Variants in THOC1 observed in about 807,000 individuals in gnomAD.
THOC1 encodes the protein THO complex subunit 1.
Under a neutral mutation model 97.3 loss-of-function variants are expected in THOC1, and 29 were observed. The observed-to-expected ratio is 0.30, with a 90% CI of 0.22 to 0.41. The LOEUF (loss-of-function observed/expected upper bound fraction) is 0.41, where lower values mean the gene tolerates loss of function less well. Ranked by LOEUF, THOC1 falls within the 10% of genes least tolerant of loss-of-function variation. The pLI, the probability that THOC1 is intolerant of heterozygous loss-of-function variation, is 1.00. For missense variants in THOC1, 529 were observed against 761.9 expected, an observed-to-expected ratio of 0.69 and a Z score of 3.60; for synonymous variants, 255 against 257.0, an observed-to-expected ratio of 0.99 and a Z score of 0.07.
chr18:250,072 G>A (rs1364502967), intron 9 of THOC1, among the ~76,000 whole-genome samples: 2 of 152,118 alleles, frequency 1.3e-5, no homozygotes, highest in East Asian at 3.8e-4. Flanking sequence ...TCTCCTACCT[G>A]TAAAAGACTT....
chr18:253,966 A>G (rs1365302954), intron 8 of THOC1, among the ~76,000 whole-genome samples: 3 of 147,956 alleles, frequency 2.0e-5, no homozygotes, highest in African/African-American at 7.5e-5. Flanking sequence ...GCTGGAGTAC[A>G]GTGGCATGAT....
At chr18:231,477 A>C (rs537474331) in intron 11 of THOC1, among the ~76,000 whole-genome samples, 1 of 152,334 alleles carries the variant, frequency 6.6e-6, no homozygotes, top group African/African-American at 2.4e-5. Flanking sequence ...TATTCAGAAC[A>C]TTCTCATTAA....
rs926635211 is a variant in THOC1 at position 263,150 on chromosome 18, A to G, written c.256+876T>C. On this transcript the variant is annotated intron_variant, in intron 4 of 20. Transcript: ENST00000261600. ...GGCTGGAGTGCAGTGGCTCGAGCTC[A>G]GCTCACTGCAAGCTCCGCCTCCCGG... Among the ~76,000 whole-genome samples the G allele has an allele frequency of 1.2e-4, 18 of 152,072 alleles. 1 individual carries two copies. The highest frequency in any genetic ancestry group is 1.1e-3 in the Admixed American group (17 of 15,266).
intron 15 of THOC1, 116 bp downstream of exon 15, chr18:224,807 GT>G (rs1911221652): frequency 6.2e-6 from 5 of 812,460 alleles, no homozygotes; most frequent in Non-Finnish European, 9.7e-6. Flanking sequence ...CATTTTTTAT[GT>G]GAAATATATA....
intron 15 of THOC1, 62 bp from the exon 16 acceptor site, chr18:224,241 T>C (rs1342977646): frequency 3.2e-6 from 4 of 1,241,028 alleles, no homozygotes; most frequent in Non-Finnish European, 1.1e-6. Context: ...AATAGAAGAA[T>C]GTTTAACGTA....
intron 5 of THOC1, chr18:259,961 G>C: frequency 1.9e-6 from 1 of 522,942 alleles, no homozygotes; most frequent in Non-Finnish European, 3.3e-6. Context: ...GAATTTTCAA[G>C]TTAATTTTTA....
At chr18:252,425 A>T in intron 9 of THOC1, 114 bp downstream of exon 9, 1 of 809,112 alleles carries the variant, frequency 1.2e-6, no homozygotes. Context: ...TACAAATGAA[A>T]GAAATTTCTT....
chr18:215,707 T>A, intron 19 of THOC1: 1 of 518,256 alleles, frequency 1.9e-6, no homozygotes, highest in South Asian at 2.5e-5. Context: ...TGGGAAGACC[T>A]CAGAGTTGGA....
At chr18:234,915 T>TG (rs1911621013) in intron 11 of THOC1, among the ~76,000 whole-genome samples, 1 of 152,134 alleles carries the variant, frequency 6.6e-6, no homozygotes, top group Admixed American at 6.5e-5. Flanking sequence ...CATAATGAAC[T>TG]GGGGGGCTTC....
intron 17 of THOC1, among the ~76,000 whole-genome samples, chr18:220,002 A>G (rs751832064): frequency 6.6e-6 from 1 of 152,250 alleles, no homozygotes; most frequent in Non-Finnish European, 1.5e-5. Context: ...TCTCAGGATC[A>G]GAAGACATCT....
rs910080110 is a variant in THOC1, at chr18:247,730, G to T, written c.786+119C>A. 11 of 620,064 alleles carry T rather than the reference G, an allele frequency of 1.8e-5. No homozygotes were observed. In the East Asian group the frequency reaches 3.0e-4, roughly 17 times the overall value. 38.4% of individuals were successfully genotyped at this position (620,064 alleles called of 1,614,324 possible). ...TATAATTTCACTTGTTATGAAATTG[G>T]TATAAAAATGTAAGAGGCAGAATTA... On this transcript the variant is annotated intron_variant, in intron 10 of 20. Transcript: ENST00000261600.
At chr18:264,450 C>A (rs1912701579) in intron 3 of THOC1, among the ~76,000 whole-genome samples, 1 of 152,204 alleles carries the variant, frequency 6.6e-6, no homozygotes, top group Non-Finnish European at 1.5e-5. Context: ...ACTACTAATA[C>A]ACCCATGTGT....
At chr18:239,290 G>A (rs914117656) in intron 11 of THOC1, among the ~76,000 whole-genome samples, 5 of 152,042 alleles carry the variant, frequency 3.3e-5, no homozygotes, top group African/African-American at 1.2e-4. Context: ...CCTAACATAC[G>A]ATACTTTTAT....
intron 11 of THOC1, among the ~76,000 whole-genome samples, chr18:239,951 A>G (rs1911841073): frequency 6.6e-6 from 1 of 150,646 alleles, no homozygotes; most frequent in South Asian, 2.2e-4. Context: ...TATTGTCCTC[A>G]TCAGAGAACA....
chr18:236,505 C>T lies in THOC1; in HGVS notation c.919-9604G>A, dbSNP rs990714633. ...CGAGTAGCTGGGAACTACAGGCGCC[C>T]GCTACCACGCCCGGCTAATTTTTTT... On this transcript the variant is annotated intron_variant, in intron 11 of 20. Transcript: ENST00000261600. Among the ~76,000 whole-genome samples, 8 of 140,152 alleles carry T rather than the reference C, an allele frequency of 5.7e-5. No homozygotes were observed. The East Asian group carries it at 1.4e-3, about 25-fold the overall frequency. The allele number at this position is 140,152 out of a possible 152,430, so 91.9% of individuals were successfully genotyped here.
In THOC1 at chr18:265,442, A is replaced by T; in HGVS notation, c.128+15T>A. On this transcript the variant is annotated intron_variant, in intron 2 of 20. Coordinates refer to ENST00000261600, the MANE Select transcript of THOC1 (RefSeq NM_005131.3). The stretch of plus-strand genomic sequence containing the variant: ...AGATTGAGGCAAGTATTTTTCATAG[A>T]TATCAATGCCTTACCTGCCAGGTAC... 1.9e-6 allele frequency: 3 copies of T among 1,589,594 alleles called. No homozygotes were observed. Among genetic ancestry groups the T allele is most frequent in the Non-Finnish European group, 2.6e-6 (3 of 1,169,084 alleles).
intron 7 of THOC1, 90 bp downstream of exon 7, chr18:259,090 C>G (rs1277867280): frequency 3.1e-6 from 3 of 976,632 alleles, no homozygotes; most frequent in East Asian, 2.6e-5. Context: ...TTTTTAGAAC[C>G]ATTTTTCTCA....
In THOC1 at chr18:267,943, G is replaced by C. The variant is rs376052236; in HGVS notation, c.54+23C>G. The C allele has an allele frequency of 6.2e-6, 10 of 1,607,186 alleles. No homozygotes were observed. In the African/African-American group the frequency reaches 9.4e-5, roughly 15 times the overall value. Reference sequence around the variant, plus strand: ...CAAAGCATAGCGCCGGGTCAGGCCTGCACCCTCCCCTCTACAGCTCACCGT... The same window carrying C: ...CAAAGCATAGCGCCGGGTCAGGCCTCCACCCTCCCCTCTACAGCTCACCGT... On this transcript the variant is annotated intron_variant, in intron 1 of 20. Coordinates refer to ENST00000261600, the MANE Select transcript of THOC1 (RefSeq NM_005131.3).
chr18:216,617 T>A lies in THOC1; in HGVS notation c.1471A>T (p.Asn491Tyr). ...ENEYKAVNNSNYGWRALRLLA... is the reference protein window; with the variant it reads ...ENEYKAVNNSYYGWRALRLLA... ...AGTCTCAGGGCTCTCCAACCATAAT[T>A]TGAATTGTTCACAGCCCTATAAAAA... The change falls in exon 19 of 21, where the codon AAT becomes TAT. Residue 491 changes from asparagine (N) to tyrosine (Y), a missense_variant. By Grantham distance (143) the Asn-to-Tyr change is moderately radical. This residue lies in a region of THOC1 where 123 missense variants were observed against 159.0 expected (regional missense o/e 0.77). Transcript: ENST00000261600. 8 of 1,613,740 alleles carry A rather than the reference T, an allele frequency of 5.0e-6. No individual in the cohort carries two copies. The highest frequency in any genetic ancestry group is 6.8e-6 in the Non-Finnish European group (8 of 1,179,796).
Sources: allele counts gnomAD v4.1 joint callset (sites outside exome capture counted in the v4.1 genomes callset), GRCh38; gene constraint gnomAD v4.1.1; regional missense constraint gnomAD v4.1.1; transcripts MANE v1.5; gene names NCBI Gene and HGNC (gene_info 2026-07-23, HGNC 2026-07-21).